ZNF704: variants seen among roughly 807,000 people sequenced by gnomAD.
The protein encoded by ZNF704 is glucocorticoid induced gene 1.
A neutral mutation model predicts 44.7 loss-of-function variants in ZNF704; 10 were observed. The ratio of observed to expected loss-of-function variants is 0.22; its 90% CI spans 0.14 to 0.38. The LOEUF (loss-of-function observed/expected upper bound fraction) is 0.38, where lower values mean the gene tolerates loss of function less well. Among genes scored for constraint, ZNF704 ranks in the 10% least tolerant of loss-of-function variants. The pLI, the probability that ZNF704 is intolerant of heterozygous loss-of-function variation, is 1.00. For synonymous variants in ZNF704, 211 were observed against 207.6 expected (o/e 1.02, Z -0.14); for missense variants, 390 against 545.5 (o/e 0.71, Z 2.84).
Position 80,632,101 on chromosome 8 carries a change from G to A in ZNF704, c.*9265C>T, listed in dbSNP as rs1344388185. On this transcript the variant is annotated 3_prime_UTR_variant, in exon 9 of 9. Transcript: ENST00000327835. ...CTTTTAAAGCTGTTTCTTGAGTGCT[G>A]GTTTTCCTCTTAAGTCAAGGATGTA... 1 of 152,144 alleles carries A rather than the reference G, an allele frequency of 6.6e-6. No homozygotes were observed. The highest frequency in any genetic ancestry group is 1.5e-5 in the Non-Finnish European group (1 of 68,034). The allele number at this position is 152,144 out of a possible 1,614,324, so 9.4% of individuals were successfully genotyped here. A position where few individuals can be genotyped will look rare whatever the true frequency, so the allele number is the denominator to read the frequency against.
chr8:80,836,430 C>G (rs1808583727), intron 1 of ZNF704, among the ~76,000 whole-genome samples: 6 of 152,148 alleles, frequency 3.9e-5, no homozygotes, highest in Admixed American at 3.9e-4. Flanking sequence ...TTTAAAATTG[C>G]AATGTTCCCC....
Position 80,868,783 on chromosome 8 carries a change from C to T in ZNF704, c.-22+5788G>A, listed in dbSNP as rs144477587. Among the ~76,000 whole-genome samples, 438 of 152,318 alleles carry T rather than the reference C, an allele frequency of 2.9e-3. 1 individual carries two copies. The highest frequency in any genetic ancestry group is 0.02 in the Middle Eastern group (6 of 294). ...CTTACCCTTTGTTTTCTCCAACCCA[C>T]TGACACATGATTTTTCTGCCTTCCC... On this transcript the variant is annotated intron_variant, in intron 1 of 8. Coordinates refer to ENST00000327835, the MANE Select transcript of ZNF704 (RefSeq NM_001033723.3).
intron 5 of ZNF704, among the ~76,000 whole-genome samples, chr8:80,670,167 T>C (rs377318172): frequency 2.2e-4 from 33 of 152,340 alleles, no homozygotes; most frequent in African/African-American, 7.9e-4. Context: ...CTTTAAAGTC[T>C]CTCTCACATA....
intron 1 of ZNF704, among the ~76,000 whole-genome samples, chr8:80,852,273 T>C (rs1220822233): frequency 6.6e-6 from 1 of 152,204 alleles, no homozygotes; most frequent in Non-Finnish European, 1.5e-5. Flanking sequence ...ATGAATGAAA[T>C]ATTTTGGGGA....
At position 80,640,045 on chromosome 8, in the gene ZNF704, G is replaced by C. The variant is rs1381751502; in HGVS notation, c.*1321C>G. 6.6e-6 allele frequency: 1 copy of C among 152,596 alleles called. No individual in the cohort carries two copies. Among genetic ancestry groups the C allele is most frequent in the African/African-American group, 2.4e-5 (1 of 41,424 alleles). The allele number at this position is 152,596 out of a possible 1,614,324, so 9.5% of individuals were successfully genotyped here. A position where few individuals can be genotyped will look rare whatever the true frequency, so the allele number is the denominator to read the frequency against. Reference sequence around the variant, plus strand: ...AGTAAGTTACGAAGCCCAATAAATGGAACATAGTGCAAGCCCTGGCCCTAC... The same window carrying C: ...AGTAAGTTACGAAGCCCAATAAATGCAACATAGTGCAAGCCCTGGCCCTAC... On this transcript the variant is annotated 3_prime_UTR_variant, in exon 9 of 9. Transcript: ENST00000327835.
At position 80,714,781 on chromosome 8, in the gene ZNF704, G is replaced by A. The variant is rs80172549; in HGVS notation, c.222-21674C>T. On this transcript the variant is annotated intron_variant, in intron 2 of 8. Transcript: ENST00000327835. ...CTGGTCCCATTTTAAGTCACATGGC[G>A]GCGGTAAGTTGGGGAGAGGGTGGCA... Among the ~76,000 whole-genome samples, 902 of 152,236 alleles carry A rather than the reference G, an allele frequency of 5.9e-3. 9 individuals are homozygous for A. The highest frequency in any genetic ancestry group is 0.02 in the African/African-American group (830 of 41,526).
chr8:80,691,517 A>G (rs183526040), intron 3 of ZNF704, among the ~76,000 whole-genome samples: 58 of 152,192 alleles, frequency 3.8e-4, no homozygotes, highest in Non-Finnish European at 7.5e-4. Flanking sequence ...CTCTCTGGTC[A>G]CCTCAGGGTC....
chr8:80,746,436 C>T (rs1053947456), intron 2 of ZNF704, among the ~76,000 whole-genome samples: 1 of 152,176 alleles, frequency 6.6e-6, no homozygotes, highest in Non-Finnish European at 1.5e-5. Flanking sequence ...CTGTGCAAAG[C>T]ACTCTTCTAG....
At chr8:80,721,419 T>C (rs1270900090) in intron 2 of ZNF704, among the ~76,000 whole-genome samples, 2 of 152,138 alleles carry the variant, frequency 1.3e-5, no homozygotes, top group African/African-American at 2.4e-5. Context: ...AGAACATAAG[T>C]AGTCCTAGAT....
At chr8:80,712,677 T>C (rs918434239) in intron 2 of ZNF704, among the ~76,000 whole-genome samples, 6 of 151,796 alleles carry the variant, frequency 4.0e-5, no homozygotes, top group Non-Finnish European at 8.8e-5. Flanking sequence ...AAATGGATAG[T>C]ATGTTGGTGT....
At chr8:80,794,310 G>C (rs1274524907) in intron 2 of ZNF704, among the ~76,000 whole-genome samples, 1 of 152,086 alleles carries the variant, frequency 6.6e-6, no homozygotes, top group Non-Finnish European at 1.5e-5. Flanking sequence ...CTTCAATTTT[G>C]TTGGCTTTAT....
chr8:80,748,135 T>C (rs1476259401), intron 2 of ZNF704, among the ~76,000 whole-genome samples: 3 of 152,228 alleles, frequency 2.0e-5, no homozygotes, highest in Non-Finnish European at 4.4e-5. Flanking sequence ...ATCTGTTTTA[T>C]AGTCAGATGT....
chr8:80,664,441 T>C (rs1818154211), intron 6 of ZNF704, among the ~76,000 whole-genome samples: 1 of 151,902 alleles, frequency 6.6e-6, no homozygotes, highest in African/African-American at 2.4e-5. Context: ...CCAGCTAATT[T>C]TGTATTTTTA....
At chr8:80,829,709 TAATAA>T (rs1210533237) in intron 1 of ZNF704, among the ~76,000 whole-genome samples, 1 of 152,202 alleles carries the variant, frequency 6.6e-6, no homozygotes, top group East Asian at 1.9e-4. Flanking sequence ...CAAGGCTTCA[TAATAA>T]AATATAGTAA....
At chr8:80,849,030 A>T (rs1808814414) in intron 1 of ZNF704, among the ~76,000 whole-genome samples, 1 of 152,190 alleles carries the variant, frequency 6.6e-6, no homozygotes, top group South Asian at 2.1e-4. Context: ...GATTAAAAAG[A>T]TAGATACCTT....
chr8:80,797,780 C>A (rs79287481), intron 2 of ZNF704, among the ~76,000 whole-genome samples: 2,185 of 152,284 alleles, frequency 0.014, 67 homozygotes, highest in African/African-American at 0.05. Flanking sequence ...TCTTAATCAT[C>A]CCTTCTCTCT....
At chr8:80,704,341 C>T (rs1228109589) in intron 2 of ZNF704, among the ~76,000 whole-genome samples, 1 of 152,202 alleles carries the variant, frequency 6.6e-6, no homozygotes, top group East Asian at 1.9e-4. Context: ...CTTAAACTAA[C>T]AGAAAGCCCT....
chr8:80,641,930 T>C (rs1012039710), intron 8 of ZNF704, among the ~76,000 whole-genome samples: 1 of 152,230 alleles, frequency 6.6e-6, no homozygotes, highest in Admixed American at 6.5e-5. Context: ...CCATATCCCT[T>C]AGGCTTCTAT....
At chr8:80,730,406 GT>G (rs1806558877) in intron 2 of ZNF704, among the ~76,000 whole-genome samples, 2 of 151,898 alleles carry the variant, frequency 1.3e-5, no homozygotes, top group Admixed American at 1.3e-4. Context: ...AGGCATGGTG[GT>G]GCGTGCCTGT....
Sources: allele counts gnomAD v4.1 joint callset (sites outside exome capture counted in the v4.1 genomes callset), GRCh38; gene constraint gnomAD v4.1.1; transcripts MANE v1.5; gene names NCBI Gene and HGNC (gene_info 2026-07-23, HGNC 2026-07-21).